Variants in MAN1C1 observed in about 807,000 individuals in gnomAD.
The protein encoded by MAN1C1 is mannosyl-oligosaccharide 1,2-alpha-mannosidase IC.
A neutral mutation model predicts 71.5 loss-of-function variants in MAN1C1; 49 were observed. The observed-to-expected ratio is 0.69, with a 90% confidence interval of 0.54 to 0.87. The LOEUF is 0.87. Ranked by LOEUF, MAN1C1 falls within the 40% of genes least tolerant of loss-of-function variation. The probability of loss-of-function intolerance (pLI) is 0.00; values close to 1 mark genes in which losing one functional copy is unlikely to be tolerated. For missense variants in MAN1C1, 743 were observed against 835.0 expected, an observed-to-expected ratio of 0.89 and a Z score of 1.36; for synonymous variants, 352 against 343.7, an observed-to-expected ratio of 1.02 and a Z score of -0.27.
chr1:25,672,202 C>T (rs1263503423), intron 1 of MAN1C1, among the ~76,000 whole-genome samples: 1 of 152,140 alleles, frequency 6.6e-6, no homozygotes, highest in African/African-American at 2.4e-5. Context: ...GCCCTAGCTC[C>T]AGAAGAGAGA....
chr1:25,740,500 T>G (rs555763895), intron 2 of MAN1C1, among the ~76,000 whole-genome samples: 59 of 152,204 alleles, frequency 3.9e-4, no homozygotes, highest in African/African-American at 1.3e-3. Flanking sequence ...GCAGTGGCGC[T>G]ATCTCGGCTC....
At chr1:25,672,252 G>T (rs2046003096) in intron 1 of MAN1C1, among the ~76,000 whole-genome samples, 1 of 152,208 alleles carries the variant, frequency 6.6e-6, no homozygotes, top group Non-Finnish European at 1.5e-5. Context: ...CCTTTTCTAT[G>T]CAGGCCTTCA....
intron 2 of MAN1C1, among the ~76,000 whole-genome samples, chr1:25,708,982 C>T (rs1295848560): frequency 6.6e-6 from 1 of 152,138 alleles, no homozygotes; most frequent in Non-Finnish European, 1.5e-5. Context: ...TTGCATTTTC[C>T]TGAGCCCAGC....
intron 5 of MAN1C1, among the ~76,000 whole-genome samples, chr1:25,757,286 A>G (rs138529111): frequency 6.8e-4 from 103 of 152,348 alleles, no homozygotes; most frequent in African/African-American, 2.4e-3. Context: ...CAGTGTGACC[A>G]GGAGCAAGGA....
At chr1:25,705,816 G>A (rs905555241) in intron 2 of MAN1C1, among the ~76,000 whole-genome samples, 4 of 152,202 alleles carry the variant, frequency 2.6e-5, no homozygotes, top group Non-Finnish European at 4.4e-5. Flanking sequence ...GGTGGCACAT[G>A]CCAGTAGTCC....
Position 25,617,435 on chromosome 1 carries a change from G to C in MAN1C1, c.-363G>C, listed in dbSNP as rs1293736690. ...CGCGGACAGCCGGGACGCCGCGGAC[G>C]GCATGTGACGGTCCCGGCGGCCGCA... On this transcript the variant is annotated 5_prime_UTR_variant, in exon 1 of 12. Coordinates refer to ENST00000374332, the MANE Select transcript of MAN1C1 (RefSeq NM_020379.4). This position sits in a 1 kb window ranked among gnomAD's most constrained non-coding sequence, Gnocchi z 5.1. 6.7e-6 allele frequency: 1 copy of C among 149,290 alleles called. No individual in the cohort carries two copies. Among genetic ancestry groups the C allele is most frequent in the Non-Finnish European group, 1.5e-5 (1 of 67,090 alleles). 9.2% of individuals were successfully genotyped at this position (149,290 alleles called of 1,614,324 possible). A position where few individuals can be genotyped will look rare whatever the true frequency, so the allele number is the denominator to read the frequency against.
chr1:25,728,156 TGA>T (rs1407009280), intron 2 of MAN1C1, among the ~76,000 whole-genome samples: 1 of 151,996 alleles, frequency 6.6e-6, no homozygotes, highest in East Asian at 1.9e-4. Context: ...AAGCCTGGAG[TGA>T]GAGTCCCCAG....
intron 2 of MAN1C1, among the ~76,000 whole-genome samples, chr1:25,712,776 C>T (rs1485602562): frequency 1.3e-5 from 2 of 152,180 alleles, no homozygotes; most frequent in Non-Finnish European, 2.9e-5. Context: ...AGGTCTTAGG[C>T]TCCTGCATGG....
At chr1:25,635,967 C>T (rs1451760743) in intron 1 of MAN1C1, among the ~76,000 whole-genome samples, 3 of 152,140 alleles carry the variant, frequency 2.0e-5, no homozygotes, top group African/African-American at 4.8e-5. Context: ...GCCGGGCCTC[C>T]GGGGTGACAT....
chr1:25,743,366 C>T (rs1471694019), intron 2 of MAN1C1, among the ~76,000 whole-genome samples: 1 of 152,206 alleles, frequency 6.6e-6, no homozygotes, highest in Non-Finnish European at 1.5e-5. Context: ...GTGTATAAAT[C>T]ATGGTCTGTT....
At chr1:25,695,298 G>A (rs2124200531) in intron 2 of MAN1C1, among the ~76,000 whole-genome samples, 1 of 152,294 alleles carries the variant, frequency 6.6e-6, no homozygotes, top group South Asian at 2.1e-4. Context: ...CTTCCTGGTA[G>A]TCACATGCTT....
intron 2 of MAN1C1, among the ~76,000 whole-genome samples, chr1:25,701,135 C>T (rs909736950): frequency 6.6e-5 from 10 of 152,326 alleles, no homozygotes; most frequent in South Asian, 2.1e-4. Context: ...GAGGAAGGGG[C>T]GGCAAAGGCA....
chr1:25,663,787 C>A (rs1248537931), intron 1 of MAN1C1, among the ~76,000 whole-genome samples: 1 of 152,158 alleles, frequency 6.6e-6, no homozygotes, highest in East Asian at 1.9e-4. Flanking sequence ...AGAGTGGTAG[C>A]ACTCTATATC....
At chr1:25,624,819 G>A (rs780268175) in intron 1 of MAN1C1, among the ~76,000 whole-genome samples, 110 of 152,110 alleles carry the variant, frequency 7.2e-4, no homozygotes, top group Non-Finnish European at 1.9e-4. Context: ...CCTCGTGGTC[G>A]CCATAAAATC....
rs187189835 is a variant in MAN1C1 at position 25,680,516 on chromosome 1, C to T, written c.541-5924C>T. 6.8e-4 allele frequency among the ~76,000 whole-genome samples: 103 copies of T among 152,310 alleles called. 1 individual carries two copies. The highest frequency in any genetic ancestry group is 2.4e-3 in the African/African-American group (98 of 41,574). ...GGCGACCACTAATCTGCTTTCTGCT[C>T]GGATGGATTTGCTTATGCTGGACAT... On this transcript the variant is annotated intron_variant, in intron 1 of 11. Transcript: ENST00000374332.
intron 6 of MAN1C1, chr1:25,760,729 C>G (rs900310011): frequency 6.6e-6 from 1 of 152,236 alleles, no homozygotes; most frequent in African/African-American, 2.4e-5. Flanking sequence ...CACTCCCGGC[C>G]CCGTACACAC....
chr1:25,654,615 G>A (rs985730877), intron 1 of MAN1C1, among the ~76,000 whole-genome samples: 6 of 152,012 alleles, frequency 3.9e-5, no homozygotes, highest in South Asian at 2.1e-4. Context: ...GCTGTGGAAC[G>A]TAATCTGCTC....
chr1:25,684,981 T>A (rs1183897687), intron 1 of MAN1C1, among the ~76,000 whole-genome samples: 1 of 152,254 alleles, frequency 6.6e-6, no homozygotes, highest in Non-Finnish European at 1.5e-5. Context: ...CCCAACAGTC[T>A]GTTTTAACAA....
At chr1:25,661,326 A>T (rs1046015939) in intron 1 of MAN1C1, among the ~76,000 whole-genome samples, 18 of 152,246 alleles carry the variant, frequency 1.2e-4, no homozygotes, top group African/African-American at 4.1e-4. Context: ...TCCAGTGTGG[A>T]CTATGTGCCA....
Sources: gnomAD v4.1 joint callset for allele counts (sites outside exome capture counted in the v4.1 genomes callset) on GRCh38, gnomAD v4.1.1 for gene constraint, Gnocchi (gnomAD v3.1) non-coding constraint, MANE v1.5 for transcripts, NCBI Gene and HGNC (gene_info 2026-07-23, HGNC 2026-07-21) for gene names.